MYT1L: variants seen among roughly 807,000 people sequenced by gnomAD.
MYT1L encodes myelin transcription factor 1 like.
In MYT1L, 12 loss-of-function variants were observed where a neutral mutation model predicts 126.7. The observed-to-expected ratio is 0.09, with a 90% CI of 0.06 to 0.15. The LOEUF is 0.15. Ranked by LOEUF, MYT1L falls within the 10% of genes least tolerant of loss-of-function variation. MYT1L has a pLI of 1.00. For missense variants in MYT1L, 979 were observed against 1,585.2 expected, an observed-to-expected ratio of 0.62 and a Z score of 6.49; for synonymous variants, 541 against 604.2, an observed-to-expected ratio of 0.90 and a Z score of 1.53.
At chr2:2,181,166 G>A (rs1393798068) in intron 2 of MYT1L, among the ~76,000 whole-genome samples, 1 of 151,732 alleles carries the variant, frequency 6.6e-6, no homozygotes, top group Admixed American at 6.6e-5. Context: ...GTACCTGTGT[G>A]TGCACATGTA....
chr2:1,817,249 C>T (rs960648121), intron 21 of MYT1L, among the ~76,000 whole-genome samples: 1 of 152,164 alleles, frequency 6.6e-6, no homozygotes, highest in African/African-American at 2.4e-5. Flanking sequence ...GGGAGAGAAC[C>T]ACCCAGAGGA....
chr2:2,183,995 G>T (rs1258560951), intron 2 of MYT1L, among the ~76,000 whole-genome samples: 1 of 149,104 alleles, frequency 6.7e-6, no homozygotes, highest in Non-Finnish European at 1.5e-5. Flanking sequence ...GAGAGAAAGG[G>T]GGAGGGAGAA....
chr2:2,124,871 G>A (rs954084218), intron 3 of MYT1L, among the ~76,000 whole-genome samples: 2 of 152,134 alleles, frequency 1.3e-5, no homozygotes, highest in East Asian at 1.9e-4. Context: ...AAGCCTCCCC[G>A]ACTCAGGTCG....
intron 2 of MYT1L, among the ~76,000 whole-genome samples, chr2:2,184,757 T>G (rs1436148387): frequency 6.6e-6 from 1 of 152,124 alleles, no homozygotes; most frequent in Non-Finnish European, 1.5e-5. Flanking sequence ...GTTCTCTTCC[T>G]GTGATGATAT....
intron 2 of MYT1L, among the ~76,000 whole-genome samples, chr2:2,235,837 A>G (rs2094283827): frequency 6.6e-6 from 1 of 152,148 alleles, no homozygotes; most frequent in Admixed American, 6.5e-5. Context: ...CTTCATTTCT[A>G]ATTAAAATAT....
In MYT1L at chr2:1,917,239, G is replaced by A. The variant is rs763505001; in HGVS notation, c.1584C>T (p.Ser528=). 1.5e-5 allele frequency: 24 copies of A among 1,613,530 alleles called. No individual in the cohort carries two copies. Among genetic ancestry groups the A allele is most frequent in the Middle Eastern group, 1.6e-4 (1 of 6,084 alleles). The change falls in exon 11 of 25, where the codon TCC becomes TCT. Residue 528 remains serine, a synonymous_variant. Coordinates refer to ENST00000647738, the MANE Select transcript of MYT1L (RefSeq NM_001303052.2). The surrounding 1 kb of genome is among the most constrained non-coding windows in gnomAD (Gnocchi z 5.9). ...GGACCCTATCTTTGTGCGGGCATCC[G>A]GACAGGCTGCGGTGATGTGGGTACA... ...TGLYPHHRSL[S]GCPHKDRVPP...
chr2:1,888,325 G>A (rs575633490), intron 16 of MYT1L, among the ~76,000 whole-genome samples: 28 of 152,172 alleles, frequency 1.8e-4, no homozygotes, highest in African/African-American at 6.3e-4. Context: ...TCAACACTGC[G>A]GGAGAAAAAA....
chr2:2,184,895 T>C (rs910376659), intron 2 of MYT1L, among the ~76,000 whole-genome samples: 3 of 152,200 alleles, frequency 2.0e-5, no homozygotes, highest in African/African-American at 7.2e-5. Flanking sequence ...CTCGGCACTT[T>C]AGCTGGCAAC....
rs1467557959 is a variant in MYT1L at position 2,257,798 on chromosome 2, G to A, written c.-421+26606C>T. On this transcript the variant is annotated intron_variant, in intron 2 of 24. Coordinates refer to ENST00000647738, the MANE Select transcript of MYT1L (RefSeq NM_001303052.2). Reference sequence around the variant, plus strand: ...CTCCTGGGTAGGAAGAATCAATATCGTGAAAATGGCCATACTGCCCAAGGT... The same window carrying A: ...CTCCTGGGTAGGAAGAATCAATATCATGAAAATGGCCATACTGCCCAAGGT... Among the ~76,000 whole-genome samples, 7 of 150,850 alleles carry A rather than the reference G, an allele frequency of 4.6e-5. 1 individual carries two copies. The highest frequency in any genetic ancestry group is 1.7e-4 in the African/African-American group (7 of 40,386).
intron 2 of MYT1L, among the ~76,000 whole-genome samples, chr2:2,267,736 T>C (rs898795181): frequency 1.3e-5 from 2 of 151,994 alleles, no homozygotes; most frequent in Non-Finnish European, 2.9e-5. Context: ...CGCAGGGGCA[T>C]CGAAGGAGAA....
chr2:2,051,352 T>C (rs1246887057), intron 4 of MYT1L, among the ~76,000 whole-genome samples: 2 of 152,242 alleles, frequency 1.3e-5, no homozygotes, highest in Non-Finnish European at 2.9e-5. Flanking sequence ...TGATCTGCTC[T>C]TCAAAGTCCT....
At chr2:2,297,124 A>G (rs1412610116) in intron 1 of MYT1L, among the ~76,000 whole-genome samples, 3 of 152,176 alleles carry the variant, frequency 2.0e-5, no homozygotes, top group Non-Finnish European at 2.9e-5. Flanking sequence ...GGCCAGCAAC[A>G]ACACAAGTAT....
Position 1,841,052 on chromosome 2 carries a change from C to T in MYT1L, c.2775-209G>A, listed in dbSNP as rs1267053351. Reference sequence around the variant, plus strand: ...CCAAGTAGCTGGGACTACAGGCGGCCACCACCACGCCTGGCTAATTTTTTT... The same window carrying T: ...CCAAGTAGCTGGGACTACAGGCGGCTACCACCACGCCTGGCTAATTTTTTT... On this transcript the variant is annotated intron_variant, in intron 19 of 24. Transcript: ENST00000647738. The T allele has an allele frequency of 1.8e-5, 9 of 497,386 alleles. No individual in the cohort carries two copies. In the East Asian group the frequency reaches 3.0e-4, roughly 16 times the overall value. 30.8% of individuals were successfully genotyped at this position (497,386 alleles called of 1,614,324 possible). A position where few individuals can be genotyped will look rare whatever the true frequency, so the allele number is the denominator to read the frequency against.
intron 3 of MYT1L, among the ~76,000 whole-genome samples, chr2:2,122,945 G>A (rs958729691): frequency 4.6e-5 from 7 of 151,694 alleles, no homozygotes; most frequent in African/African-American, 1.7e-4. Flanking sequence ...ATGGGGAGGC[G>A]CAGACAGGGA....
At position 2,256,107 on chromosome 2, in the gene MYT1L, C is replaced by T. The variant is rs141215710; in HGVS notation, c.-421+28297G>A. ...TCACCTCTGTAACCATCTTCACTCG[C>T]GTCGGGCCAAAACAAGACCCCCGGT... On this transcript the variant is annotated intron_variant, in intron 2 of 24. Transcript: ENST00000647738. Among the ~76,000 whole-genome samples the T allele has an allele frequency of 4.6e-5, 7 of 152,282 alleles. No individual in the cohort carries two copies. In the East Asian group the frequency reaches 9.7e-4, roughly 21 times the overall value.
chr2:2,161,107 C>T (rs2087830399), intron 3 of MYT1L, among the ~76,000 whole-genome samples: 2 of 152,086 alleles, frequency 1.3e-5, no homozygotes, highest in South Asian at 4.2e-4. Flanking sequence ...GTAGTCCCAG[C>T]TACTCGGGAG....
intron 1 of MYT1L, chr2:2,303,498 A>G (rs997669358): frequency 3.9e-5 from 6 of 152,332 alleles, no homozygotes; most frequent in African/African-American, 1.4e-4. Flanking sequence ...TCACTGTTAC[A>G]GAGTCTCCCT....
intron 18 of MYT1L, among the ~76,000 whole-genome samples, chr2:1,865,487 T>G (rs1016049951): frequency 1.3e-5 from 2 of 152,226 alleles, no homozygotes; most frequent in Non-Finnish European, 2.9e-5. Flanking sequence ...TTTCTGCATC[T>G]GTAAAATAGG....
rs556296699 is a variant in MYT1L, at chr2:1,915,101, G to A, written c.1618+2104C>T. ...TGGGAGCTCTCTGAGGGCCAGTACA[G>A]TGTCTCGGGCAATGGCGTGTCCTCA... is the stretch of plus-strand genomic sequence containing the variant. On this transcript the variant is annotated intron_variant, in intron 11 of 24. Coordinates refer to ENST00000647738, the MANE Select transcript of MYT1L (RefSeq NM_001303052.2). 2.0e-5 allele frequency among the ~76,000 whole-genome samples: 3 copies of A among 152,334 alleles called. No homozygotes were observed. In the East Asian group the frequency reaches 5.8e-4, roughly 29 times the overall value.
Sources: allele counts gnomAD v4.1 joint callset (sites outside exome capture counted in the v4.1 genomes callset), GRCh38; gene constraint gnomAD v4.1.1; non-coding constraint Gnocchi (gnomAD v3.1); transcripts MANE v1.5; gene names NCBI Gene and HGNC (gene_info 2026-07-23, HGNC 2026-07-21).